GRID2: variants seen among roughly 807,000 people sequenced by gnomAD.
GRID2 encodes glutamate ionotropic receptor delta type subunit 2, also known as glutamate receptor ionotropic, delta-2.
In GRID2, 33 loss-of-function variants were observed where a neutral mutation model predicts 114.8. That is an observed-to-expected ratio of 0.29 (90% CI 0.22 to 0.38). GRID2 has a LOEUF of 0.38. Among genes scored for constraint, GRID2 ranks in the 10% least tolerant of loss-of-function variants. The probability of loss-of-function intolerance (pLI) is 1.00; values close to 1 mark genes in which losing one functional copy is unlikely to be tolerated. For missense variants in GRID2, 1,184 were observed against 1,257.7 expected (o/e 0.94, Z 0.89); for synonymous variants, 505 against 449.9 (o/e 1.12, Z -1.55).
At chr4:93,664,851 G>A (rs80345956) in intron 14 of GRID2, among the ~76,000 whole-genome samples, 1 of 152,106 alleles carries the variant, frequency 6.6e-6, no homozygotes, top group Non-Finnish European at 1.5e-5. Flanking sequence ...AGAGTTGTGA[G>A]AATTCAACAA....
chr4:93,529,617 G>A (rs546399427), intron 13 of GRID2, among the ~76,000 whole-genome samples: 2 of 152,162 alleles, frequency 1.3e-5, no homozygotes, highest in East Asian at 1.9e-4. Context: ...CCAGGGCTTC[G>A]GGTGCATCAA....
At chr4:93,463,729 C>T (rs556258399) in intron 11 of GRID2, among the ~76,000 whole-genome samples, 5 of 151,994 alleles carry the variant, frequency 3.3e-5, no homozygotes, top group African/African-American at 4.8e-5. Flanking sequence ...GTGGCTCACG[C>T]CTGTAATCCC....
intron 1 of GRID2, among the ~76,000 whole-genome samples, chr4:93,804,326 A>C (rs1293448405): frequency 6.6e-6 from 1 of 152,174 alleles, no homozygotes; most frequent in Non-Finnish European, 1.5e-5. Flanking sequence ...AAATGTGAAC[A>C]TCACAGAGTG....
intron 2 of GRID2, among the ~76,000 whole-genome samples, chr4:93,033,150 A>G (rs558364866): frequency 5.3e-4 from 81 of 152,266 alleles, no homozygotes; most frequent in African/African-American, 1.9e-3. Flanking sequence ...GAGTTTAGCA[A>G]TCTGTGAAGT....
chr4:92,720,264 T>C (rs1735748169), intron 2 of GRID2, among the ~76,000 whole-genome samples: 1 of 152,102 alleles, frequency 6.6e-6, no homozygotes, highest in Admixed American at 6.6e-5. Flanking sequence ...AGAAAAATTA[T>C]TTGAATTTTC....
chr4:92,977,296 C>T (rs1378914), intron 2 of GRID2, among the ~76,000 whole-genome samples: 2,647 of 151,926 alleles, frequency 0.017, 37 homozygotes, highest in Middle Eastern at 0.031. Context: ...ATGGGAGAAC[C>T]GAAAAGCAAA....
At chr4:93,701,946 T>C (rs1727548123) in intron 14 of GRID2, among the ~76,000 whole-genome samples, 2 of 152,106 alleles carry the variant, frequency 1.3e-5, no homozygotes, top group African/African-American at 2.4e-5. Context: ...TAATATAATA[T>C]AATCAGTCTG....
At chr4:92,800,405 A>C (rs1038203781) in intron 2 of GRID2, among the ~76,000 whole-genome samples, 4 of 152,034 alleles carry the variant, frequency 2.6e-5, no homozygotes, top group African/African-American at 9.7e-5. Flanking sequence ...TATTGAACTA[A>C]GAATTAGTTA....
chr4:93,590,327 C>G (rs1236284325), intron 13 of GRID2, among the ~76,000 whole-genome samples: 3 of 150,330 alleles, frequency 2.0e-5, no homozygotes, highest in South Asian at 4.3e-4. Context: ...TTCCCCATTT[C>G]TTGTTTTTGT....
At chr4:93,439,096 G>T (rs1721382759) in intron 10 of GRID2, among the ~76,000 whole-genome samples, 1 of 152,006 alleles carries the variant, frequency 6.6e-6, no homozygotes, top group African/African-American at 2.4e-5. Flanking sequence ...TGGACATTTG[G>T]GTTGGTTCCA....
In GRID2 at chr4:92,890,714, A is replaced by C. The variant is rs149333687; in HGVS notation, c.245-194281A>C. Among the ~76,000 whole-genome samples the C allele has an allele frequency of 2.0e-5, 3 of 152,314 alleles. No homozygotes were observed. In the East Asian group the frequency reaches 5.8e-4, roughly 29 times the overall value. The stretch of plus-strand genomic sequence containing the variant: ...GTGGAAGATAGTGCAGTGATTCCTC[A>C]AGGATATAGAACCAGAAATACCTTT... On this transcript the variant is annotated intron_variant, in intron 2 of 15. Transcript: ENST00000282020.
At position 92,692,935 on chromosome 4, in the gene GRID2, A is replaced by C. The variant is rs183798799; in HGVS notation, c.244+102649A>C. Among the ~76,000 whole-genome samples, 568 of 152,040 alleles carry C rather than the reference A, an allele frequency of 3.7e-3. 3 individuals are homozygous for C. The highest frequency in any genetic ancestry group is 0.013 in the African/African-American group (538 of 41,484). Reference sequence around the variant, plus strand: ...CTACTCGGGAGGCTGGGGCAAGAGAATATCTTGAGTCCTGGGGGCAGAGGT... The same window carrying C: ...CTACTCGGGAGGCTGGGGCAAGAGACTATCTTGAGTCCTGGGGGCAGAGGT... On this transcript the variant is annotated intron_variant, in intron 2 of 15. Transcript: ENST00000282020.
chr4:92,572,729 T>TG (rs1727691114), intron 1 of GRID2, among the ~76,000 whole-genome samples: 1 of 152,120 alleles, frequency 6.6e-6, no homozygotes, highest in African/African-American at 2.4e-5. Flanking sequence ...TTTAGCAGTG[T>TG]TTTGTTGAGT....
intron 11 of GRID2, among the ~76,000 whole-genome samples, chr4:93,464,837 A>G (rs915246882): frequency 1.3e-5 from 2 of 152,200 alleles, no homozygotes; most frequent in Middle Eastern, 3.2e-3. Context: ...CTCCAAATTA[A>G]CAATCCATTT....
At chr4:92,874,707 C>A (rs534420927) in intron 2 of GRID2, among the ~76,000 whole-genome samples, 2 of 152,160 alleles carry the variant, frequency 1.3e-5, no homozygotes, top group South Asian at 2.1e-4. Flanking sequence ...GACACCAGAC[C>A]CATTTAATGC....
chr4:93,417,367 C>A (rs185159733), intron 9 of GRID2, among the ~76,000 whole-genome samples: 1 of 152,180 alleles, frequency 6.6e-6, no homozygotes, highest in African/African-American at 2.4e-5. Flanking sequence ...AATATGGCTT[C>A]GTTGCCCTCC....
At chr4:92,616,951 G>C (rs1215724279) in intron 2 of GRID2, among the ~76,000 whole-genome samples, 2 of 151,446 alleles carry the variant, frequency 1.3e-5, no homozygotes, top group East Asian at 3.9e-4. Context: ...GGGGTACCTA[G>C]TAGTGTTGTG....
At chr4:92,481,981 GATATATATATATATATATAT>G (rs35103752) in intron 1 of GRID2, among the ~76,000 whole-genome samples, 600 of 47,208 alleles carry the variant, frequency 0.013, 26 homozygotes, top group African/African-American at 0.03. Flanking sequence ...AATAAAATGT[GATATATATATATATATATAT>G]ATATATATAT....
intron 2 of GRID2, among the ~76,000 whole-genome samples, chr4:92,687,634 C>A (rs1733975914): frequency 6.6e-6 from 1 of 152,072 alleles, no homozygotes; most frequent in African/African-American, 2.4e-5. Flanking sequence ...TCGAGACCAT[C>A]CTGGCTAACA....
Sources: allele counts gnomAD v4.1 joint callset (sites outside exome capture counted in the v4.1 genomes callset), GRCh38; gene constraint gnomAD v4.1.1; transcripts MANE v1.5; gene names NCBI Gene and HGNC (gene_info 2026-07-23, HGNC 2026-07-21).